The following OPRD1 variants were observed in gnomAD, a reference collection of about 807,000 sequenced individuals.
OPRD1 encodes the protein delta-type opioid receptor.
In OPRD1, 19 loss-of-function variants were observed where a neutral mutation model predicts 17.5. The observed-to-expected ratio is 1.09, with a 90% CI of 0.76 to 1.60. The LOEUF (loss-of-function observed/expected upper bound fraction) is 1.60, where lower values mean the gene tolerates loss of function less well. Ranked by LOEUF, OPRD1 falls within the 40% of genes most tolerant of loss-of-function variation. OPRD1 has a pLI of 0.00. For missense variants in OPRD1, 483 were observed against 547.2 expected (o/e 0.88, Z 1.17); for synonymous variants, 256 against 240.9 (o/e 1.06, Z -0.58).
At chr1:28,823,324 G>C (rs539464276) in intron 1 of OPRD1, among the ~76,000 whole-genome samples, 4 of 149,940 alleles carry the variant, frequency 2.7e-5, no homozygotes, top group African/African-American at 4.9e-5. Flanking sequence ...AGCCTCCCAA[G>C]TAGCTGGGAT....
At chr1:28,847,140 C>T (rs1427924118) in intron 1 of OPRD1, among the ~76,000 whole-genome samples, 1 of 151,520 alleles carries the variant, frequency 6.6e-6, no homozygotes, top group Non-Finnish European at 1.5e-5. Context: ...CAACCTCTGC[C>T]TCCCGGGTTC....
intron 1 of OPRD1, among the ~76,000 whole-genome samples, chr1:28,855,243 T>C (rs1212941205): frequency 6.6e-6 from 1 of 151,832 alleles, no homozygotes; most frequent in African/African-American, 2.4e-5. Context: ...GAGCAAGCCA[T>C]GCAAAATATG....
At chr1:28,856,852 G>A (rs972834518) in intron 1 of OPRD1, among the ~76,000 whole-genome samples, 2 of 152,190 alleles carry the variant, frequency 1.3e-5, no homozygotes, top group African/African-American at 2.4e-5. Flanking sequence ...TGGGTTGGAT[G>A]TGTGACCCTG....
intron 1 of OPRD1, among the ~76,000 whole-genome samples, chr1:28,855,555 G>A (rs945273873): frequency 1.3e-5 from 2 of 152,156 alleles, no homozygotes. Context: ...GGGTGGAGGG[G>A]AGAGAGGGGG....
At chr1:28,843,837 C>A (rs2088917094) in intron 1 of OPRD1, among the ~76,000 whole-genome samples, 2 of 152,082 alleles carry the variant, frequency 1.3e-5, no homozygotes, top group South Asian at 4.1e-4. Context: ...AAATTTCCTT[C>A]TTTTTTAAGG....
Position 28,864,417 on chromosome 1 carries a change from G to A in OPRD1, c.*1134G>A, listed in dbSNP as rs1040446024. On this transcript the variant is annotated 3_prime_UTR_variant, in exon 3 of 3. Transcript: ENST00000234961. ...GTGGGGCTTGGGACAGGACAGCAGA[G>A]CGGGGGGCAGCCACTCCAGGATAGG... 1 of 152,676 alleles carries A rather than the reference G, an allele frequency of 6.5e-6. No individual in the cohort carries two copies. Among genetic ancestry groups the A allele is most frequent in the African/African-American group, 2.4e-5 (1 of 41,462 alleles). 9.5% of individuals were successfully genotyped at this position (152,676 alleles called of 1,614,324 possible). A position where few individuals can be genotyped will look rare whatever the true frequency, so the allele number is the denominator to read the frequency against.
In OPRD1 at chr1:28,846,895, C is replaced by G. The variant is rs1045292111; in HGVS notation, c.228-12059C>G. Among the ~76,000 whole-genome samples the G allele has an allele frequency of 4.5e-3, 152 of 34,014 alleles. 3 individuals are homozygous for G. Among genetic ancestry groups the G allele is most frequent in the African/African-American group, 9.3e-3 (146 of 15,762 alleles). The allele number at this position is 34,014 out of a possible 152,430, so 22.3% of individuals were successfully genotyped here. On this transcript the variant is annotated intron_variant, in intron 1 of 2. Transcript: ENST00000234961. ...CTTTCTTTCTTTCTTTCTTTCTTTT[C>G]TCTTTCTTTCTTTTTCTTTCTTTCT...
At chr1:28,822,756 C>T (rs1448685347) in intron 1 of OPRD1, among the ~76,000 whole-genome samples, 1 of 151,974 alleles carries the variant, frequency 6.6e-6, no homozygotes, top group Non-Finnish European at 1.5e-5. Flanking sequence ...TCCCAAAGTA[C>T]TGGGATTACA....
intron 1 of OPRD1, among the ~76,000 whole-genome samples, chr1:28,854,390 C>T (rs115414536): frequency 0.12 from 18,122 of 151,266 alleles, 1,173 homozygotes; most frequent in Middle Eastern, 0.18. Flanking sequence ...CCATGCCCAA[C>T]TAATTTTTTT....
intron 1 of OPRD1, among the ~76,000 whole-genome samples, chr1:28,838,367 G>A (rs184496720): frequency 6.6e-6 from 1 of 152,324 alleles, no homozygotes; most frequent in East Asian, 1.9e-4. Flanking sequence ...AGAAGCAGAA[G>A]GAACTTGGTT....
chr1:28,862,217 G>A (rs903199244), intron 2 of OPRD1, among the ~76,000 whole-genome samples: 4 of 151,980 alleles, frequency 2.6e-5, no homozygotes, highest in East Asian at 1.9e-4. Flanking sequence ...GCACCTGTCC[G>A]CCTTAGCCTA....
At chr1:28,828,905 G>A (rs111874157) in intron 1 of OPRD1, among the ~76,000 whole-genome samples, 12 of 151,528 alleles carry the variant, frequency 7.9e-5, no homozygotes, top group African/African-American at 2.7e-4. Context: ...CAGGAGAATC[G>A]CTTGAACCCA....
intron 2 of OPRD1, among the ~76,000 whole-genome samples, chr1:28,859,589 T>C (rs2089093705): frequency 1.3e-5 from 2 of 152,164 alleles, no homozygotes; most frequent in South Asian, 4.1e-4. Context: ...AAAGGGAATG[T>C]ATGAATTTAT....
intron 1 of OPRD1, among the ~76,000 whole-genome samples, chr1:28,851,728 G>A (rs1477902271): frequency 4.0e-5 from 6 of 151,662 alleles, no homozygotes; most frequent in Non-Finnish European, 5.9e-5. Context: ...AAAATTAGCC[G>A]GGCGTGGTGG....
At chr1:28,841,505 T>C (rs2088896112) in intron 1 of OPRD1, among the ~76,000 whole-genome samples, 1 of 152,188 alleles carries the variant, frequency 6.6e-6, no homozygotes, top group East Asian at 1.9e-4. Context: ...GCATCTAACT[T>C]AGCTCATTTG....
chr1:28,850,838 T>A (rs1259871285), intron 1 of OPRD1, among the ~76,000 whole-genome samples: 1 of 146,128 alleles, frequency 6.8e-6, no homozygotes, highest in East Asian at 2.0e-4. Context: ...TAATAAAAGG[T>A]CAATGGAAGA....
chr1:28,835,071 A>G (rs1157095069), intron 1 of OPRD1, among the ~76,000 whole-genome samples: 1 of 152,110 alleles, frequency 6.6e-6, no homozygotes, highest in Non-Finnish European at 1.5e-5. Context: ...GAGCCCCAGC[A>G]GAGGGTCCAA....
intron 1 of OPRD1, among the ~76,000 whole-genome samples, chr1:28,856,729 G>A (rs1466030318): frequency 6.6e-6 from 1 of 152,178 alleles, no homozygotes; most frequent in African/African-American, 2.4e-5. Flanking sequence ...CCAAACAAGG[G>A]GCCAACTGTA....
intron 2 of OPRD1, among the ~76,000 whole-genome samples, chr1:28,860,062 A>G (rs1469128698): frequency 6.6e-6 from 1 of 152,170 alleles, no homozygotes; most frequent in Non-Finnish European, 1.5e-5. Flanking sequence ...GCGAGGAGAA[A>G]GCACAGCCAC....
Sources: gnomAD v4.1 joint callset for allele counts (sites outside exome capture counted in the v4.1 genomes callset) on GRCh38, gnomAD v4.1.1 for gene constraint, MANE v1.5 for transcripts, NCBI Gene and HGNC (gene_info 2026-07-23, HGNC 2026-07-21) for gene names.